The following NRXN1 variants were observed in gnomAD, a reference collection of about 807,000 sequenced individuals.
NRXN1 encodes neurexin 1, also known as neurexin-1.
In NRXN1, 39 loss-of-function variants were observed where a neutral mutation model predicts 150.9. The observed-to-expected ratio is 0.26, with a 90% CI of 0.20 to 0.34. The LOEUF (loss-of-function observed/expected upper bound fraction) is 0.34. Among genes scored for constraint, NRXN1 ranks in the 10% least tolerant of loss-of-function variants. The pLI, the probability that NRXN1 is intolerant of heterozygous loss-of-function variation, is 1.00. For synonymous variants in NRXN1, 924 were observed against 757.0 expected, an observed-to-expected ratio of 1.22 and a Z score of -3.62; for missense variants, 1,815 against 1,949.9, an observed-to-expected ratio of 0.93 and a Z score of 1.30.
chr2:50,602,579 G>A (rs560839810), intron 8 of NRXN1, among the ~76,000 whole-genome samples: 1 of 151,908 alleles, frequency 6.6e-6, no homozygotes, highest in Admixed American at 6.6e-5. Context: ...TTATCAAAAG[G>A]AAGTTTCCTT....
At chr2:50,486,901 C>T (rs935194927) in intron 15 of NRXN1, among the ~76,000 whole-genome samples, 1 of 152,106 alleles carries the variant, frequency 6.6e-6, no homozygotes, top group African/African-American at 2.4e-5. Context: ...AATACACTGG[C>T]AAACCTTGTG....
chr2:50,699,938 A>G (rs1190832514), intron 5 of NRXN1, among the ~76,000 whole-genome samples: 4 of 152,142 alleles, frequency 2.6e-5, no homozygotes, highest in Admixed American at 1.3e-4. Flanking sequence ...AACTTCCTCT[A>G]AGCTCCAAGT....
At chr2:50,558,675 G>C (rs758561671) in intron 8 of NRXN1, among the ~76,000 whole-genome samples, 1 of 152,048 alleles carries the variant, frequency 6.6e-6, no homozygotes, top group African/African-American at 2.4e-5. Flanking sequence ...AAATCTGTGC[G>C]GTTTAAAAAT....
intron 5 of NRXN1, among the ~76,000 whole-genome samples, chr2:50,885,386 CAA>C (rs77951147): frequency 0.14 from 19,829 of 143,216 alleles, 1,515 homozygotes; most frequent in Non-Finnish European, 0.18. Context: ...CATAAACTAC[CAA>C]AAAAAAAAAC....
intron 5 of NRXN1, among the ~76,000 whole-genome samples, chr2:50,791,571 C>T (rs1001315721): frequency 6.6e-6 from 1 of 151,992 alleles, no homozygotes; most frequent in Admixed American, 6.6e-5. Context: ...CCTAAGTTTG[C>T]CAAATGCACA....
At chr2:50,788,987 A>G (rs1174307883) in intron 5 of NRXN1, among the ~76,000 whole-genome samples, 1 of 152,152 alleles carries the variant, frequency 6.6e-6, no homozygotes, top group African/African-American at 2.4e-5. Flanking sequence ...TAAGAATGCA[A>G]GGAGCAGGAA....
intron 17 of NRXN1, among the ~76,000 whole-genome samples, chr2:50,349,396 C>G (rs897454543): frequency 3.9e-5 from 6 of 152,208 alleles, no homozygotes; most frequent in Non-Finnish European, 7.4e-5. Context: ...TAACAAGAGT[C>G]GTGATTATTC....
chr2:50,319,760 G>A (rs755295477), intron 17 of NRXN1, among the ~76,000 whole-genome samples: 19 of 151,928 alleles, frequency 1.3e-4, no homozygotes, highest in African/African-American at 4.1e-4. Context: ...ACCCCTACGC[G>A]AGCTTGCATC....
chr2:50,379,214 A>G (rs926963467), intron 17 of NRXN1, among the ~76,000 whole-genome samples: 1 of 152,172 alleles, frequency 6.6e-6, no homozygotes, highest in Non-Finnish European at 1.5e-5. Flanking sequence ...CATGACATTC[A>G]AAACTGACCA....
intron 5 of NRXN1, among the ~76,000 whole-genome samples, chr2:50,840,626 G>A (rs576533497): frequency 9.1e-4 from 138 of 152,112 alleles, no homozygotes; most frequent in African/African-American, 3.3e-3. Flanking sequence ...GTGCAACTTC[G>A]GATAACACCT....
At chr2:50,687,391 G>C (rs1691394570) in intron 5 of NRXN1, among the ~76,000 whole-genome samples, 2 of 152,024 alleles carry the variant, frequency 1.3e-5, no homozygotes, top group African/African-American at 2.4e-5. Flanking sequence ...GATGATTCAG[G>C]GGTCATCTCT....
intron 2 of NRXN1, among the ~76,000 whole-genome samples, chr2:50,975,344 A>C (rs1695651394): frequency 6.6e-6 from 1 of 152,134 alleles, no homozygotes; most frequent in African/African-American, 2.4e-5. Context: ...GAGAACTGCT[A>C]ATCTAAAGCA....
chr2:50,045,777 A>T (rs1040826677), intron 21 of NRXN1, among the ~76,000 whole-genome samples: 1 of 152,134 alleles, frequency 6.6e-6, no homozygotes, highest in Admixed American at 6.5e-5. Flanking sequence ...GGAAGTGCCA[A>T]CTTCACCAGT....
At chr2:50,296,867 C>G (rs1177307606) in intron 17 of NRXN1, among the ~76,000 whole-genome samples, 4 of 145,092 alleles carry the variant, frequency 2.8e-5, no homozygotes, top group African/African-American at 1.0e-4. Flanking sequence ...GTAAAAGACA[C>G]AGTTTCTTTC....
chr2:50,976,475 C>T lies in NRXN1; in HGVS notation c.773-50520G>A, dbSNP rs140327852. Among the ~76,000 whole-genome samples the T allele has an allele frequency of 3.0e-4, 46 of 152,000 alleles. 1 individual carries two copies. The highest frequency in any genetic ancestry group is 1.1e-3 in the African/African-American group (45 of 41,488). ...AAGAGAATATGTTATCCTTCCCCCA[C>T]CCTAAATGTTATCCCTTTTTGATTT... On this transcript the variant is annotated intron_variant, in intron 2 of 22. Transcript: ENST00000401669.
intron 5 of NRXN1, among the ~76,000 whole-genome samples, chr2:50,914,493 T>C (rs1458656770): frequency 6.6e-6 from 1 of 151,722 alleles, no homozygotes; most frequent in East Asian, 1.9e-4. Flanking sequence ...TTACTGTCCC[T>C]TTCTTAAAGA....
intron 18 of NRXN1, among the ~76,000 whole-genome samples, chr2:50,177,018 G>T (rs1461316837): frequency 6.6e-6 from 1 of 152,112 alleles, no homozygotes; most frequent in African/African-American, 2.4e-5. Flanking sequence ...TCATTTCAAA[G>T]CAATTTATCT....
intron 9 of NRXN1, among the ~76,000 whole-genome samples, chr2:50,546,164 G>T (rs548175481): frequency 1.3e-5 from 2 of 152,134 alleles, no homozygotes; most frequent in East Asian, 3.9e-4. Flanking sequence ...AAGAGTGCAT[G>T]GGGAACATGG....
intron 5 of NRXN1, among the ~76,000 whole-genome samples, chr2:50,909,537 G>A (rs1201269149): frequency 6.6e-6 from 1 of 151,950 alleles, no homozygotes; most frequent in African/African-American, 2.4e-5. Flanking sequence ...CTGGCTCCTA[G>A]TAAATTGCTA....
Sources: allele counts gnomAD v4.1 joint callset (sites outside exome capture counted in the v4.1 genomes callset), GRCh38; gene constraint gnomAD v4.1.1; transcripts MANE v1.5; gene names NCBI Gene and HGNC (gene_info 2026-07-23, HGNC 2026-07-21).